Variants in ZDHHC15 observed in about 807,000 individuals in gnomAD.
ZDHHC15 encodes the protein zDHHC palmitoyltransferase 15, also known as palmitoyltransferase ZDHHC15.
Under a neutral mutation model 31.7 loss-of-function variants are expected in ZDHHC15, and 19 were observed. The observed-to-expected ratio is 0.60, with a 90% CI of 0.42 to 0.88. ZDHHC15 has a LOEUF of 0.88. ZDHHC15 is among the 40% of genes least tolerant of loss of function. The pLI, the probability that ZDHHC15 is intolerant of heterozygous loss-of-function variation, is 0.00. For synonymous variants in ZDHHC15, 103 were observed against 90.0 expected (o/e 1.14, Z -0.82); for missense variants, 209 against 251.2 (o/e 0.83, Z 1.14).
intron 3 of ZDHHC15, 118 bp from the exon 4 acceptor site, chrX:75,451,040 C>T (rs1328341364): frequency 3.5e-6 from 3 of 864,819 alleles, no homozygotes; most frequent in African/African-American, 4.1e-5. Flanking sequence ...AGCTCAGGTA[C>T]CACTTAGTCT....
intron 10 of ZDHHC15, among the ~76,000 whole-genome samples, chrX:75,404,872 A>C (rs745555428): frequency 1.8e-4 from 20 of 111,908 alleles, no homozygotes; most frequent in African/African-American, 6.2e-4. Context: ...CAATCCTGTT[A>C]CTGGGTATAT....
intron 10 of ZDHHC15, among the ~76,000 whole-genome samples, chrX:75,389,934 C>A (rs2083222604): frequency 8.9e-6 from 1 of 111,942 alleles, no homozygotes; most frequent in African/African-American, 3.2e-5. Flanking sequence ...TAGGCCTTGA[C>A]TCTTGAATGG....
intron 3 of ZDHHC15, among the ~76,000 whole-genome samples, chrX:75,465,029 A>T (rs1414675251): frequency 8.9e-6 from 1 of 112,274 alleles, no homozygotes; most frequent in Non-Finnish European, 1.9e-5. Context: ...TTGTTTGCAC[A>T]TGACATGATC....
chrX:75,496,707 T>C (rs1403685094), intron 2 of ZDHHC15, among the ~76,000 whole-genome samples: 3 of 111,449 alleles, frequency 2.7e-5, no homozygotes, highest in African/African-American at 6.5e-5. Flanking sequence ...AAAGGAACCT[T>C]CAAAACTATA....
At chrX:75,417,754 C>T (rs887277241) in intron 9 of ZDHHC15, among the ~76,000 whole-genome samples, 1 of 111,680 alleles carries the variant, frequency 9.0e-6, no homozygotes, top group African/African-American at 3.3e-5. Flanking sequence ...TTTGTGGCTA[C>T]CTGTGGTAAG....
intron 2 of ZDHHC15, among the ~76,000 whole-genome samples, chrX:75,481,113 A>G (rs1406667985): frequency 1.8e-5 from 2 of 110,487 alleles, no homozygotes; most frequent in African/African-American, 6.6e-5. Context: ...ATTTTTTTTT[A>G]ATGTGTTATC....
chrX:75,373,562 T>A (rs1395948171), intron 11 of ZDHHC15, among the ~76,000 whole-genome samples: 1 of 111,888 alleles, frequency 8.9e-6, no homozygotes, highest in Admixed American at 9.5e-5. Flanking sequence ...CTTCCAGGAT[T>A]CTATCCTATG....
chrX:75,429,577 T>G (rs774261598), intron 6 of ZDHHC15, among the ~76,000 whole-genome samples: 37 of 111,861 alleles, frequency 3.3e-4, no homozygotes, highest in Non-Finnish European at 6.2e-4. Flanking sequence ...GGGTCTGATA[T>G]ACAAAATTTG....
rs35704680 is a variant in ZDHHC15 at position 75,373,926 on chromosome X, G to GTTTTTTTTTTTTTTT, written c.*33-996_*33-982dup. Among the ~76,000 whole-genome samples the GTTTTTTTTTTTTTTT allele has an allele frequency of 2.6e-4, 13 of 50,457 alleles. 1 individual carries two copies. The highest frequency in any genetic ancestry group is 6.1e-4 in the African/African-American group (8 of 13,188). The allele number at this position is 50,457 out of a possible 115,157, so 43.8% of individuals were successfully genotyped here. A position where few individuals can be genotyped will look rare whatever the true frequency, so the allele number is the denominator to read the frequency against. On this transcript the variant is annotated intron_variant, in intron 11 of 11. Transcript: ENST00000373367. ...ATACTAGGTCTTATTCATTCTTTCT[G>GTTTTTTTTTTTTTTT]TTTTTTTTTTTTTTTTTTTTTTGTA...
chrX:75,386,157 T>C (rs1359662263), intron 10 of ZDHHC15, among the ~76,000 whole-genome samples: 1 of 111,827 alleles, frequency 8.9e-6, no homozygotes, highest in Non-Finnish European at 1.9e-5. Flanking sequence ...AAGAAAGTTT[T>C]ATCCAAATAA....
At chrX:75,480,981 C>G (rs1447948796) in intron 2 of ZDHHC15, among the ~76,000 whole-genome samples, 1 of 111,399 alleles carries the variant, frequency 9.0e-6, no homozygotes, top group Non-Finnish European at 1.9e-5. Context: ...CCATTGCCCT[C>G]TAGAATTCAA....
chrX:75,436,559 T>G (rs1005837562), intron 4 of ZDHHC15, among the ~76,000 whole-genome samples: 5 of 112,147 alleles, frequency 4.5e-5, no homozygotes, highest in Non-Finnish European at 9.4e-5. Flanking sequence ...TTCAAAGAAT[T>G]TTTAAAACTT....
chrX:75,375,994 G>A (rs781495258), intron 11 of ZDHHC15, among the ~76,000 whole-genome samples: 1 of 111,625 alleles, frequency 9.0e-6, no homozygotes, highest in East Asian at 2.8e-4. Flanking sequence ...TGCTTTCCAC[G>A]GTGGATGGAC....
chrX:75,429,878 C>A, intron 6 of ZDHHC15, 70 bp downstream of exon 6: 1 of 1,070,233 alleles, frequency 9.3e-7, no homozygotes, highest in Non-Finnish European at 1.3e-6. Context: ...GACAACTATG[C>A]TTAGAAAAGT....
At chrX:75,381,565 T>A (rs1360381439) in intron 10 of ZDHHC15, among the ~76,000 whole-genome samples, 1 of 111,854 alleles carries the variant, frequency 8.9e-6, no homozygotes, top group Non-Finnish European at 1.9e-5. Flanking sequence ...ACCCAAGTAA[T>A]CTTTCTAAAA....
chrX:75,475,995 T>A (rs2084597698), intron 3 of ZDHHC15, among the ~76,000 whole-genome samples: 1 of 111,581 alleles, frequency 9.0e-6, no homozygotes, highest in South Asian at 3.7e-4. Context: ...ATTGCTTTTT[T>A]AGTTTCCTTT....
Position 75,372,709 on chromosome X carries a change from G to C in ZDHHC15, c.*269C>G, listed in dbSNP as rs1000942362. 1 of 111,625 alleles carries C rather than the reference G, an allele frequency of 9.0e-6. No individual in the cohort carries two copies. The allele number at this position is 111,625 out of a possible 1,213,427, so 9.2% of individuals were successfully genotyped here. A position where few individuals can be genotyped will look rare whatever the true frequency, so the allele number is the denominator to read the frequency against. On this transcript the variant is annotated 3_prime_UTR_variant, in exon 12 of 12. Coordinates refer to ENST00000373367, the MANE Select transcript of ZDHHC15 (RefSeq NM_144969.3). The stretch of plus-strand genomic sequence containing the variant: ...ACATTTAGGCTTTCATGGATTGGGG[G>C]AGGGGAAATGAAGAAACAAAAAAAA...
chrX:75,488,588 G>T (rs1002321776), intron 2 of ZDHHC15, among the ~76,000 whole-genome samples: 2 of 112,116 alleles, frequency 1.8e-5, no homozygotes, highest in African/African-American at 6.5e-5. Context: ...AAATCCCACA[G>T]GACATATTAA....
At chrX:75,457,178 C>G (rs924478473) in intron 3 of ZDHHC15, among the ~76,000 whole-genome samples, 2 of 111,167 alleles carry the variant, frequency 1.8e-5, no homozygotes, top group Non-Finnish European at 3.8e-5. Context: ...TCTATTCTTG[C>G]AAACCATATC....
Sources: allele counts gnomAD v4.1 joint callset (sites outside exome capture counted in the v4.1 genomes callset), GRCh38; gene constraint gnomAD v4.1.1; transcripts MANE v1.5; gene names NCBI Gene and HGNC (gene_info 2026-07-23, HGNC 2026-07-21).